The following SYN2 variants were observed in gnomAD, a reference collection of about 807,000 sequenced individuals.
SYN2 encodes synapsin-2.
SYN2 carries 19 observed loss-of-function variants against 50.9 expected under a neutral mutation model. That is an observed-to-expected ratio of 0.37 (90% CI 0.26 to 0.55). SYN2 has a LOEUF of 0.55. Ranked by LOEUF, SYN2 falls within the 20% of genes least tolerant of loss-of-function variation. The pLI, the probability that SYN2 is intolerant of heterozygous loss-of-function variation, is 0.81. For synonymous variants in SYN2, 255 were observed against 224.9 expected (o/e 1.13, Z -1.20); for missense variants, 587 against 576.4 (o/e 1.02, Z -0.19).
rs141815391 is a variant in SYN2, at chr3:12,085,621, G to A, written c.378-55030G>A. ...TAACGGCATCTTGGAAAATTAACAC[G>A]TATGTGGAAATTAAACAGTATGCCC... On this transcript the variant is annotated intron_variant, in intron 1 of 12. Coordinates refer to ENST00000621198, the MANE Select transcript of SYN2 (RefSeq NM_133625.6). 6.7e-3 allele frequency among the ~76,000 whole-genome samples: 1,018 copies of A among 152,136 alleles called. 7 individuals carry two copies. Among genetic ancestry groups the A allele is most frequent in the African/African-American group, 0.023 (942 of 41,492 alleles).
intron 10 of SYN2, among the ~76,000 whole-genome samples, chr3:12,180,830 G>A (rs903847580): frequency 2.0e-5 from 3 of 152,154 alleles, no homozygotes; most frequent in Non-Finnish European, 4.4e-5. Context: ...TATTCCTATG[G>A]CTGAGGAAAG....
intron 1 of SYN2, among the ~76,000 whole-genome samples, chr3:12,059,749 G>C (rs1472632075): frequency 6.6e-6 from 1 of 152,004 alleles, no homozygotes; most frequent in African/African-American, 2.4e-5. Flanking sequence ...TAGGCGCCTG[G>C]AATTTTTCTT....
intron 10 of SYN2, among the ~76,000 whole-genome samples, chr3:12,175,353 G>A (rs1020189994): frequency 2.6e-5 from 4 of 152,208 alleles, no homozygotes; most frequent in African/African-American, 9.6e-5. Flanking sequence ...TGGAAAGGAT[G>A]TGAACCGAGG....
intron 1 of SYN2, among the ~76,000 whole-genome samples, chr3:12,056,966 A>T (rs1193704445): frequency 6.6e-6 from 1 of 152,202 alleles, no homozygotes; most frequent in African/African-American, 2.4e-5. Context: ...ACAGAACAAA[A>T]ATGATAATTC....
chr3:12,109,571 C>T (rs560468662), intron 1 of SYN2, among the ~76,000 whole-genome samples: 10 of 152,282 alleles, frequency 6.6e-5, no homozygotes, highest in African/African-American at 1.2e-4. Context: ...ATTTAGTTAG[C>T]GCTCAGTAAA....
At chr3:12,067,095 T>TCCCACGACATGTGGG (rs2125165975) in intron 1 of SYN2, among the ~76,000 whole-genome samples, 1 of 152,228 alleles carries the variant, frequency 6.6e-6, no homozygotes, top group African/African-American at 2.4e-5. Flanking sequence ...ACTGGGTCCC[T>TCCCACGACATGTGGG]CCCACGACAT....
At chr3:12,130,483 C>A (rs1027956665) in intron 1 of SYN2, among the ~76,000 whole-genome samples, 2 of 152,138 alleles carry the variant, frequency 1.3e-5, no homozygotes, top group East Asian at 3.9e-4. Flanking sequence ...CTCCTGTACT[C>A]CACATTTTTG....
In SYN2 at chr3:12,103,729, A is replaced by G. The variant is rs915601900; in HGVS notation, c.378-36922A>G. ...TATAATTTCAAGAATAACCCCTGAA[A>G]GAAAAGAAATAGCATGTATAAAACT... is the stretch of plus-strand genomic sequence containing the variant. On this transcript the variant is annotated intron_variant, in intron 1 of 12. Transcript: ENST00000621198. 1.3e-5 allele frequency among the ~76,000 whole-genome samples: 2 copies of G among 152,350 alleles called. 1 individual carries two copies. Among genetic ancestry groups the G allele is most frequent in the Middle Eastern group, 6.8e-3 (2 of 294 alleles).
chr3:12,182,081 C>G (rs1304782447), intron 10 of SYN2, among the ~76,000 whole-genome samples: 1 of 152,142 alleles, frequency 6.6e-6, no homozygotes, highest in African/African-American at 2.4e-5. Context: ...AGAACAGTTC[C>G]GAGTAATGAG....
In SYN2 at chr3:12,070,528, C is replaced by T. The variant is rs746882875; in HGVS notation, c.377+65600C>T. 70 of 890,570 alleles carry T rather than the reference C, an allele frequency of 7.9e-5. No homozygotes were observed. The Middle Eastern group carries it at 3.5e-3, about 44-fold the overall frequency. The allele number at this position is 890,570 out of a possible 1,614,324, so 55.2% of individuals were successfully genotyped here. On this transcript the variant is annotated intron_variant, in intron 1 of 12. Coordinates refer to ENST00000621198, the MANE Select transcript of SYN2 (RefSeq NM_133625.6). ...TTCTACAGTGAGTTGCGTGTGGCCC[C>T]GGAGGAGCACCTGGTGCTGCTGACG...
intron 1 of SYN2, among the ~76,000 whole-genome samples, chr3:12,123,161 G>C (rs1019305356): frequency 2.6e-5 from 4 of 151,838 alleles, no homozygotes; most frequent in African/African-American, 9.7e-5. Context: ...GGAAGGAATA[G>C]AGAGGATGGA....
At chr3:12,136,524 A>G (rs370924075) in intron 1 of SYN2, among the ~76,000 whole-genome samples, 38 of 152,266 alleles carry the variant, frequency 2.5e-4, no homozygotes, top group African/African-American at 7.0e-4. Flanking sequence ...CCATTATCCA[A>G]TGCATAAAAG....
intron 1 of SYN2, among the ~76,000 whole-genome samples, chr3:12,016,560 A>G (rs548000894): frequency 1.1e-3 from 170 of 152,288 alleles, no homozygotes; most frequent in Non-Finnish European, 1.9e-3. Context: ...TTCTGTTTCA[A>G]AAATTAGGGA....
At chr3:12,160,388 G>A (rs1697619320) in intron 5 of SYN2, among the ~76,000 whole-genome samples, 1 of 152,144 alleles carries the variant, frequency 6.6e-6, no homozygotes, top group Admixed American at 6.5e-5. Context: ...AGATCCTCAG[G>A]CCAGATACCC....
chr3:12,157,457 C>G (rs1697491538), intron 5 of SYN2: 1 of 1,614,190 alleles, frequency 6.2e-7, no homozygotes, highest in Non-Finnish European at 8.5e-7. Context: ...GAACTACCTT[C>G]TCACTGGAGA....
intron 1 of SYN2, among the ~76,000 whole-genome samples, chr3:12,005,222 T>A (rs1433818321): frequency 1.3e-5 from 2 of 151,934 alleles, no homozygotes; most frequent in African/African-American, 4.8e-5. Flanking sequence ...CCTTAGGAAA[T>A]AGTTTTTTTG....
At chr3:12,178,298 C>A (rs1324997732) in intron 10 of SYN2, among the ~76,000 whole-genome samples, 1 of 152,196 alleles carries the variant, frequency 6.6e-6, no homozygotes, top group East Asian at 1.9e-4. Flanking sequence ...TTGGTTGGGG[C>A]AGCTGGTCTC....
rs1320942690 is a variant in SYN2, at chr3:12,049,561, G to T, written c.377+44633G>T. 2.1e-5 allele frequency among the ~76,000 whole-genome samples: 3 copies of T among 145,066 alleles called. No homozygotes were observed. In the East Asian group the frequency reaches 6.2e-4, roughly 30 times the overall value. ...AAAAAATAAAAAAACTGAAAGATGA[G>T]GGAACTGAGTACTAGTTTAGTATCA... On this transcript the variant is annotated intron_variant, in intron 1 of 12. Coordinates refer to ENST00000621198, the MANE Select transcript of SYN2 (RefSeq NM_133625.6).
In SYN2 at chr3:12,151,266, A is replaced by C; in HGVS notation, c.714A>C (p.Thr238=). ...VFAQLVAIYK[T]LGGEKFPLIE... Reference sequence around the variant, plus strand: ...CCCAGCTGGTCGCTATCTATAAGACACTGGGAGGAGAAAAGTTCCCTCTCA... The same window carrying C: ...CCCAGCTGGTCGCTATCTATAAGACCCTGGGAGGAGAAAAGTTCCCTCTCA... Residue 238 remains threonine, a synonymous_variant, in exon 5 of 13, where the codon ACA becomes ACC. Transcript: ENST00000621198. The C allele has an allele frequency of 6.2e-7, 1 of 1,613,352 alleles. No homozygotes were observed. The highest frequency in any genetic ancestry group is 8.5e-7 in the Non-Finnish European group (1 of 1,179,740).
Sources: allele counts gnomAD v4.1 joint callset (sites outside exome capture counted in the v4.1 genomes callset), GRCh38; gene constraint gnomAD v4.1.1; transcripts MANE v1.5; gene names NCBI Gene and HGNC (gene_info 2026-07-23, HGNC 2026-07-21).